The following PCDHA13 variants were observed in gnomAD, a reference collection of about 807,000 sequenced individuals.
The protein encoded by PCDHA13 is protocadherin alpha 13, also known as protocadherin alpha-13.
A neutral mutation model predicts 64.8 loss-of-function variants in PCDHA13; 54 were observed. The observed-to-expected ratio is 0.83, with a 90% CI of 0.67 to 1.04. PCDHA13 has a LOEUF of 1.04. PCDHA13 is among the 50% of genes least tolerant of loss of function. The pLI, the probability that PCDHA13 is intolerant of heterozygous loss-of-function variation, is 0.00. For missense variants in PCDHA13, 1,248 were observed against 1,254.3 expected, an observed-to-expected ratio of 0.99 and a Z score of 0.08; for synonymous variants, 587 against 564.4, an observed-to-expected ratio of 1.04 and a Z score of -0.57.
chr5:140,926,997 C>G (rs782110120), intron 1 of PCDHA13: 4 of 1,612,104 alleles, frequency 2.5e-6, no homozygotes, highest in African/African-American at 2.7e-5. Flanking sequence ...GGGGCGTAGC[C>G]GTAGGCAATC....
intron 1 of PCDHA13, among the ~76,000 whole-genome samples, chr5:140,891,044 C>G (rs1167178710): frequency 6.6e-6 from 1 of 152,030 alleles, no homozygotes; most frequent in Non-Finnish European, 1.5e-5. Flanking sequence ...GTGTGACCCC[C>G]ACAGCACATA....
At chr5:140,948,897 T>G (rs1487067374) in intron 1 of PCDHA13, among the ~76,000 whole-genome samples, 4 of 151,680 alleles carry the variant, frequency 2.6e-5, no homozygotes, top group Non-Finnish European at 5.9e-5. Flanking sequence ...AGATTTTAAG[T>G]GGATTCTTAG....
intron 1 of PCDHA13, chr5:140,968,053 A>C: frequency 6.2e-7 from 1 of 1,614,154 alleles, no homozygotes; most frequent in Non-Finnish European, 8.5e-7. Flanking sequence ...CACTGGACCG[A>C]GAGCGGGTGG....
intron 3 of PCDHA13, among the ~76,000 whole-genome samples, chr5:140,985,903 C>G (rs1554247500): frequency 6.6e-6 from 1 of 151,964 alleles, no homozygotes; most frequent in Non-Finnish European, 1.5e-5. Context: ...CCACTCCCGT[C>G]TAATTTTTTG....
rs1195696269 is a variant in PCDHA13, at chr5:141,010,821, TTTG to T, written c.*890_*892del. ...AACCCCGACACCTCACCTTTCGCTG[TTTG>T]TTGTTTCATAGATTTATTTAAAAAA... is the stretch of plus-strand genomic sequence containing the variant. On this transcript the variant is annotated 3_prime_UTR_variant, in exon 4 of 4. Coordinates refer to ENST00000289272, the MANE Select transcript of PCDHA13 (RefSeq NM_018904.3). 3 of 153,772 alleles carry T rather than the reference TTTG, an allele frequency of 2.0e-5. No individual in the cohort carries two copies. The highest frequency in any genetic ancestry group is 4.4e-5 in the Non-Finnish European group (3 of 68,048). 9.5% of individuals were successfully genotyped at this position (153,772 alleles called of 1,614,324 possible).
intron 1 of PCDHA13, among the ~76,000 whole-genome samples, chr5:140,885,615 AAT>A (rs1411025177): frequency 6.6e-6 from 1 of 152,162 alleles, no homozygotes; most frequent in African/African-American, 2.4e-5. Context: ...TTAATTATAA[AAT>A]ATGTCACTGG....
intron 1 of PCDHA13, among the ~76,000 whole-genome samples, chr5:140,970,958 C>T (rs1554232904): frequency 6.6e-6 from 1 of 152,106 alleles, no homozygotes; most frequent in Non-Finnish European, 1.5e-5. Context: ...CCATGGGAGG[C>T]AGATTGTAGA....
At chr5:140,999,836 A>G (rs1554257003) in intron 3 of PCDHA13, among the ~76,000 whole-genome samples, 1 of 152,210 alleles carries the variant, frequency 6.6e-6, no homozygotes, top group African/African-American at 2.4e-5. Flanking sequence ...AAAATATGCC[A>G]AGTGTATTTA....
chr5:140,938,843 C>T (rs1232774282), intron 1 of PCDHA13, among the ~76,000 whole-genome samples: 3 of 152,012 alleles, frequency 2.0e-5, no homozygotes, highest in Admixed American at 6.6e-5. Flanking sequence ...AACAAACCTG[C>T]CCATGTACCC....
chr5:140,900,438 C>T (rs573115268), intron 1 of PCDHA13, among the ~76,000 whole-genome samples: 21 of 152,234 alleles, frequency 1.4e-4, no homozygotes, highest in South Asian at 8.3e-4. Flanking sequence ...CCACCACGGC[C>T]GGCTAATTTT....
chr5:140,986,074 T>C (rs1342378005), intron 3 of PCDHA13, among the ~76,000 whole-genome samples: 1 of 152,124 alleles, frequency 6.6e-6, no homozygotes, highest in African/African-American at 2.4e-5. Context: ...AAAGAAACTG[T>C]TCATTTATTT....
intron 1 of PCDHA13, among the ~76,000 whole-genome samples, chr5:140,909,351 T>C (rs2153508982): frequency 6.6e-6 from 1 of 152,238 alleles, no homozygotes; most frequent in African/African-American, 2.4e-5. Context: ...TACCAAGAGA[T>C]GTGTTAATTT....
rs376943163 is a variant in PCDHA13 at position 140,883,718 on chromosome 5, G to C, written c.1450G>C (p.Ala484Pro). Residue 484 changes from alanine to proline, a missense_variant, in exon 1 of 4, where the codon GCA becomes CCA. Physicochemically the swap from Ala to Pro is conservative, Grantham distance 27. Coordinates refer to ENST00000289272, the MANE Select transcript of PCDHA13 (RefSeq NM_018904.3). ...IFTVSAQDAD[A>P]QENALVSYSL... The stretch of plus-strand genomic sequence containing the variant: ...CACGGTGTCTGCTCAGGACGCGGAC[G>C]CACAGGAGAACGCGCTGGTCTCCTA... The C allele has an allele frequency of 5.0e-5, 81 of 1,613,524 alleles. No homozygotes were observed. Among genetic ancestry groups the C allele is most frequent in the Non-Finnish European group, 6.4e-5 (75 of 1,179,854 alleles).
chr5:140,945,246 G>A (rs1257337219), intron 1 of PCDHA13, among the ~76,000 whole-genome samples: 1 of 151,864 alleles, frequency 6.6e-6, no homozygotes, highest in African/African-American at 2.4e-5. Context: ...TTAACCAAGA[G>A]GATGAAAGAC....
intron 1 of PCDHA13, among the ~76,000 whole-genome samples, chr5:140,949,796 C>G (rs1471707326): frequency 6.6e-6 from 1 of 151,864 alleles, no homozygotes; most frequent in Non-Finnish European, 1.5e-5. Context: ...TTGTGTCCTT[C>G]AATACATTAT....
chr5:140,925,878 ACCT>A (rs1554202987), intron 1 of PCDHA13, among the ~76,000 whole-genome samples: 1 of 151,658 alleles, frequency 6.6e-6, no homozygotes. Flanking sequence ...CTGGTTTATA[ACCT>A]CCTCTTTCAC....
chr5:140,926,757 A>T, intron 1 of PCDHA13: 1 of 1,278,278 alleles, frequency 7.8e-7, no homozygotes, highest in Non-Finnish European at 1.0e-6. Flanking sequence ...GCGGTCGCTG[A>T]GTATCCAGCC....
chr5:140,883,870 G>T lies in PCDHA13; in HGVS notation c.1602G>T (p.Gln534His). Residue 534 changes from glutamine to histidine, a missense_variant, in exon 1 of 4, where the codon CAG (glutamine) becomes CAT (histidine). Coordinates refer to ENST00000289272, the MANE Select transcript of PCDHA13 (RefSeq NM_018904.3). ...AGGAGCTGGAGCTGTTGCAGTTCCA[G>T]GTGAGCGCGCGCGACTCTGGCGTGC... is the stretch of plus-strand genomic sequence containing the variant. ...DHEELELLQF[Q>H]VSARDSGVPP... 6.2e-7 allele frequency: 1 copy of T among 1,613,302 alleles called. No individual in the cohort carries two copies. The highest frequency in any genetic ancestry group is 1.1e-5 in the South Asian group (1 of 91,052).
chr5:140,884,619 A>G lies in PCDHA13; in HGVS notation c.2351A>G (p.Glu784Gly), dbSNP rs782146160. The G allele has an allele frequency of 3.1e-6, 5 of 1,614,074 alleles. No homozygotes were observed. Among genetic ancestry groups the G allele is most frequent in the Non-Finnish European group, 4.2e-6 (5 of 1,179,956 alleles). Reference sequence around the variant, plus strand: ...CTTCCTCCTTGTCTGGGTTCTGCAGAGGGAACAGGCCAGAGGGAGGAGGAC... The same window carrying G: ...CTTCCTCCTTGTCTGGGTTCTGCAGGGGGAACAGGCCAGAGGGAGGAGGAC... Reference protein sequence around the residue: ...PSLPPCLGSAEGTGQREEDSE... With the variant: ...PSLPPCLGSAGGTGQREEDSE... The change falls in exon 1 of 4, where the codon GAG becomes GGG. Residue 784 changes from glutamate to glycine, a missense_variant. Physicochemically the swap from Glu to Gly is moderately conservative, Grantham distance 98. Coordinates refer to ENST00000289272, the MANE Select transcript of PCDHA13 (RefSeq NM_018904.3).
Sources: gnomAD v4.1 joint callset for allele counts (sites outside exome capture counted in the v4.1 genomes callset) on GRCh38, gnomAD v4.1.1 for gene constraint, MANE v1.5 for transcripts, NCBI Gene and HGNC (gene_info 2026-07-23, HGNC 2026-07-21) for gene names.